The following POU6F2 variants were observed in gnomAD, a reference collection of about 807,000 sequenced individuals.
POU6F2 encodes the protein POU domain, class 6, transcription factor 2.
A neutral mutation model predicts 71.3 loss-of-function variants in POU6F2; 31 were observed. That is an observed-to-expected ratio of 0.43 (90% CI 0.33 to 0.59). The LOEUF is 0.59. Among genes scored for constraint, POU6F2 ranks in the 20% least tolerant of loss-of-function variants. The probability of loss-of-function intolerance (pLI) is 0.04; values close to 1 mark genes in which losing one functional copy is unlikely to be tolerated. For missense variants in POU6F2, 783 were observed against 856.8 expected (o/e 0.91, Z 1.07); for synonymous variants, 347 against 355.7 (o/e 0.98, Z 0.27).
intron 4 of POU6F2, among the ~76,000 whole-genome samples, chr7:39,257,843 A>G (rs973404053): frequency 1.1e-4 from 16 of 151,544 alleles, no homozygotes; most frequent in Admixed American, 3.3e-4. Context: ...TTATACATGC[A>G]TGGCACTGCC....
chr7:39,145,187 C>G (rs913287807), intron 2 of POU6F2, among the ~76,000 whole-genome samples: 1 of 152,152 alleles, frequency 6.6e-6, no homozygotes, highest in African/African-American at 2.4e-5. Context: ...AAAATTCACT[C>G]AATATCAAAA....
chr7:39,298,540 C>T (rs1284362857), intron 4 of POU6F2, among the ~76,000 whole-genome samples: 1 of 152,172 alleles, frequency 6.6e-6, no homozygotes, highest in Non-Finnish European at 1.5e-5. Flanking sequence ...AATAGGAACA[C>T]TTTTACACCG....
At chr7:39,279,395 C>T (rs549897713) in intron 4 of POU6F2, among the ~76,000 whole-genome samples, 2 of 152,216 alleles carry the variant, frequency 1.3e-5, no homozygotes, top group Admixed American at 1.3e-4. Flanking sequence ...TCTGCATCTG[C>T]GAAATAGGAG....
At position 39,464,640 on chromosome 7, in the gene POU6F2, C is replaced by T; in HGVS notation, c.2117C>T (p.Ala706Val). ...TTAAAACAGCACGAGCCGGCCACGG[C>T]AGTCCCTTTGGAGCCCTTAACAGAC... is the stretch of plus-strand genomic sequence containing the variant. Reference protein sequence around the residue: ...KRLKQHEPATAVPLEPLTDSL... With the variant: ...KRLKQHEPATVVPLEPLTDSL... The change falls in exon 10 of 10, where the codon GCA becomes GTA. Residue 706 changes from alanine to valine, a missense_variant. By Grantham distance (64) the Ala-to-Val change is moderately conservative. Transcript: ENST00000518318. The surrounding 1 kb of genome is among the most constrained non-coding windows in gnomAD (Gnocchi z 4.1). 1 of 1,608,778 alleles carries T rather than the reference C, an allele frequency of 6.2e-7. No individual in the cohort carries two copies. The highest frequency in any genetic ancestry group is 8.5e-7 in the Non-Finnish European group (1 of 1,177,636).
chr7:39,074,675 G>T (rs984596337), intron 1 of POU6F2, among the ~76,000 whole-genome samples: 1 of 152,016 alleles, frequency 6.6e-6, no homozygotes, highest in East Asian at 1.9e-4. Context: ...GTTTCTTGTT[G>T]AATTTTTTTG....
intron 5 of POU6F2, among the ~76,000 whole-genome samples, chr7:39,398,845 T>C (rs1787235483): frequency 6.6e-6 from 1 of 152,222 alleles, no homozygotes; most frequent in African/African-American, 2.4e-5. Context: ...TCTTCTAGTA[T>C]TTTGCCTATA....
At chr7:39,297,950 T>C (rs1199956829) in intron 4 of POU6F2, among the ~76,000 whole-genome samples, 1 of 152,182 alleles carries the variant, frequency 6.6e-6, no homozygotes, top group Admixed American at 6.5e-5. Context: ...TAGCTAGCCA[T>C]ATGCAGAAAA....
intron 2 of POU6F2, among the ~76,000 whole-genome samples, chr7:39,136,764 C>T (rs144290494): frequency 6.1e-4 from 92 of 151,098 alleles, no homozygotes; most frequent in African/African-American, 1.9e-3. Flanking sequence ...GAGGCTGAGA[C>T]GGGAGGATCA....
At chr7:39,277,215 A>C (rs965455083) in intron 4 of POU6F2, among the ~76,000 whole-genome samples, 2 of 152,160 alleles carry the variant, frequency 1.3e-5, no homozygotes, top group African/African-American at 4.8e-5. Flanking sequence ...GTCACTAATA[A>C]ATCAATATAA....
chr7:39,303,913 A>G (rs1357879171), intron 4 of POU6F2, among the ~76,000 whole-genome samples: 1 of 152,266 alleles, frequency 6.6e-6, no homozygotes, highest in African/African-American at 2.4e-5. Flanking sequence ...TATTAACTTC[A>G]GCCTTCTCCG....
chr7:39,037,747 T>C lies in POU6F2; in HGVS notation c.106-48113T>C, dbSNP rs570136600. On this transcript the variant is annotated intron_variant, in intron 1 of 9. Coordinates refer to ENST00000518318, the MANE Select transcript of POU6F2 (RefSeq NM_001370959.1). ...TATTTTTCAAAAACAGGTCTAGTTC[T>C]GAAGAGAGGTTTTGGTTGATTTGCT... Among the ~76,000 whole-genome samples, 2 of 152,174 alleles carry C rather than the reference T, an allele frequency of 1.3e-5. 1 individual carries two copies. Among genetic ancestry groups the C allele is most frequent in the South Asian group, 4.2e-4 (2 of 4,818 alleles).
chr7:39,377,919 G>A (rs1480391793), intron 5 of POU6F2, among the ~76,000 whole-genome samples: 1 of 152,186 alleles, frequency 6.6e-6, no homozygotes, highest in East Asian at 1.9e-4. Context: ...GCTGGTTCAG[G>A]AGAGGAACTT....
At chr7:38,995,245 C>T (rs1034446744) in intron 1 of POU6F2, among the ~76,000 whole-genome samples, 1 of 152,168 alleles carries the variant, frequency 6.6e-6, no homozygotes, top group Non-Finnish European at 1.5e-5. Flanking sequence ...TAGAATTATA[C>T]AAATCAGGAC....
intron 6 of POU6F2, among the ~76,000 whole-genome samples, chr7:39,418,977 ATATATATGTG>A (rs1246685680): frequency 2.8e-3 from 389 of 139,492 alleles, no homozygotes; most frequent in East Asian, 7.4e-3. Flanking sequence ...GTATATATGT[ATATATATGTG>A]TATATATGTG....
rs376010739 is a variant in POU6F2 at position 39,268,507 on chromosome 7, A to G, written c.598+60887A>G. Among the ~76,000 whole-genome samples the G allele has an allele frequency of 5.9e-5, 9 of 152,306 alleles. No homozygotes were observed. The East Asian group carries it at 1.5e-3, about 26-fold the overall frequency. ...AGAACTGCTGTTAAGTTGCTCAAGC[A>G]GAAGTGTCTATAGGGCACTCCAAAT... On this transcript the variant is annotated intron_variant, in intron 4 of 9. Coordinates refer to ENST00000518318, the MANE Select transcript of POU6F2 (RefSeq NM_001370959.1).
intron 6 of POU6F2, among the ~76,000 whole-genome samples, chr7:39,409,367 T>C (rs192536443): frequency 4.6e-5 from 7 of 152,300 alleles, no homozygotes; most frequent in Admixed American, 2.0e-4. Context: ...AGATGGGGGT[T>C]CTCTTATCAG....
chr7:39,036,282 T>C (rs1010672493), intron 1 of POU6F2, among the ~76,000 whole-genome samples: 2 of 152,146 alleles, frequency 1.3e-5, no homozygotes, highest in Non-Finnish European at 2.9e-5. Context: ...TTGTGTTTGT[T>C]TATTTAATTG....
chr7:39,222,415 A>G lies in POU6F2; in HGVS notation c.598+14795A>G, dbSNP rs554310049. On this transcript the variant is annotated intron_variant, in intron 4 of 9. Coordinates refer to ENST00000518318, the MANE Select transcript of POU6F2 (RefSeq NM_001370959.1). The stretch of plus-strand genomic sequence containing the variant: ...AATTGGAGTAAAATATACCTAACAT[A>G]AAATTTATCATCTTAACCATTTTTA... Among the ~76,000 whole-genome samples, 95 of 152,330 alleles carry G rather than the reference A, an allele frequency of 6.2e-4. 1 individual carries two copies. The highest frequency in any genetic ancestry group is 2.2e-3 in the African/African-American group (90 of 41,568).
intron 4 of POU6F2, among the ~76,000 whole-genome samples, chr7:39,315,436 A>G (rs569978567): frequency 3.3e-5 from 5 of 152,334 alleles, no homozygotes; most frequent in Non-Finnish European, 5.9e-5. Context: ...TAGGTACTCA[A>G]TGAATGATCC....
Sources: allele counts gnomAD v4.1 joint callset (sites outside exome capture counted in the v4.1 genomes callset), GRCh38; gene constraint gnomAD v4.1.1; non-coding constraint Gnocchi (gnomAD v3.1); transcripts MANE v1.5; gene names NCBI Gene and HGNC (gene_info 2026-07-23, HGNC 2026-07-21).